CYP3A4: variants seen among roughly 807,000 people sequenced by gnomAD.
The protein encoded by CYP3A4 is cytochrome P450 family 3 subfamily A member 4.
Under a neutral mutation model 54.9 loss-of-function variants are expected in CYP3A4, and 41 were observed. That is an observed-to-expected ratio of 0.75 (90% CI 0.58 to 0.97). The LOEUF is 0.97. CYP3A4 is among the 50% of genes least tolerant of loss of function. CYP3A4 has a pLI of 0.00. For synonymous variants in CYP3A4, 179 were observed against 205.2 expected (o/e 0.87, Z 1.09); for missense variants, 510 against 597.3 (o/e 0.85, Z 1.52).
chr7:99,760,670 C>G, intron 12 of CYP3A4, 149 bp downstream of exon 12: 1 of 1,095,890 alleles, frequency 9.1e-7, no homozygotes, highest in South Asian at 1.7e-5. Context: ...CTGAAGCACC[C>G]TTAAAGATCA....
At position 99,757,309 on chromosome 7, in the gene CYP3A4, A is replaced by G. The variant is rs1182286531; in HGVS notation, c.*824T>C. The G allele has an allele frequency of 1.3e-5, 2 of 152,192 alleles. No homozygotes were observed. Among genetic ancestry groups the G allele is most frequent in the Non-Finnish European group, 2.9e-5 (2 of 68,084 alleles). The allele number at this position is 152,192 out of a possible 1,614,324, so 9.4% of individuals were successfully genotyped here. Reference sequence around the variant, plus strand: ...CCTCAGCCTCCTGTGTAGTGAGATTACAGGCGAGTCCACCATGCCTAGCTA... The same window carrying G: ...CCTCAGCCTCCTGTGTAGTGAGATTGCAGGCGAGTCCACCATGCCTAGCTA... On this transcript the variant is annotated 3_prime_UTR_variant, in exon 13 of 13. Transcript: ENST00000651514.
rs1158231732 is a variant in CYP3A4, at chr7:99,770,107, A to G, written c.432+15T>C. ...TTCTTTAAGTTTCTTATTAAAACTC[A>G]TGTTATTTTCATACCTCCTTGAGTT... On this transcript the variant is annotated intron_variant, in intron 5 of 12. Transcript: ENST00000651514. 2 of 1,600,490 alleles carry G rather than the reference A, an allele frequency of 1.2e-6. No individual in the cohort carries two copies. The highest frequency in any genetic ancestry group is 1.7e-6 in the Non-Finnish European group (2 of 1,167,934).
intron 12 of CYP3A4, 42 bp downstream of exon 12, chr7:99,760,777 G>C: frequency 1.3e-6 from 2 of 1,599,898 alleles, no homozygotes; most frequent in Non-Finnish European, 1.7e-6. Flanking sequence ...TCAGTTAAAA[G>C]AATTATTAAT....
At chr7:99,767,304 A>G in intron 7 of CYP3A4, 46 bp from the exon 8 acceptor site, 1 of 1,527,726 alleles carries the variant, frequency 6.5e-7, no homozygotes, top group Non-Finnish European at 8.8e-7. Flanking sequence ...TTCATTGTGA[A>G]TGTGCAAAAT....
chr7:99,766,440 G>A lies in CYP3A4; in HGVS notation c.802C>T (p.Arg268Ter), dbSNP rs138105638. The A allele has an allele frequency of 4.2e-5, 68 of 1,613,378 alleles. No individual in the cohort carries two copies. Among genetic ancestry groups the A allele is most frequent in the Admixed American group, 1.8e-4 (11 of 59,964 alleles). Residue 268 changes from arginine (R) to a stop codon, truncating the protein, a stop_gained, in exon 9 of 13, where the codon CGA (arginine) becomes TGA (stop). Transcript: ENST00000651514. LOFTEE classifies it high-confidence loss of function. ...ESRLEDTQKH[R>*]VDFLQLMIDS... ...ATCATCAGCTGAAGGAAATCCACTC[G>A]GTGCTAGAAGCAAAAAGAGAAATTT...
At position 99,762,113 on chromosome 7, in the gene CYP3A4, A is replaced by G; in HGVS notation, c.1181T>C (p.Val394Ala). The stretch of plus-strand genomic sequence containing the variant: ...GTGAAGAGCATAGCTTGGAATCATC[A>G]CCACCACCCCTTTGGGAATGAACAT... ...NGMFIPKGVV[V>A]MIPSYALHRD... Residue 394 changes from valine (V) to alanine (A), a missense_variant, in exon 11 of 13, where the codon GTG (valine) becomes GCG (alanine). Transcript: ENST00000651514. 6.2e-7 allele frequency: 1 copy of G among 1,613,868 alleles called. No homozygotes were observed. Among genetic ancestry groups the G allele is most frequent in the Non-Finnish European group, 8.5e-7 (1 of 1,179,952 alleles).
chr7:99,763,839 T>C lies in CYP3A4; in HGVS notation c.1026+16A>G. 5 of 1,613,870 alleles carry C rather than the reference T, an allele frequency of 3.1e-6. No individual in the cohort carries two copies. Among genetic ancestry groups the C allele is most frequent in the Non-Finnish European group, 4.2e-6 (5 of 1,179,902 alleles). On this transcript the variant is annotated intron_variant, in intron 10 of 12. Coordinates refer to ENST00000651514, the MANE Select transcript of CYP3A4 (RefSeq NM_017460.6). ...GTTTCACCTCCTCCCTCCTTCTCCATGTACCATCCACTCACCTTATTGGGT... is the reference window on the plus strand; with the variant it reads ...GTTTCACCTCCTCCCTCCTTCTCCACGTACCATCCACTCACCTTATTGGGT...
chr7:99,763,952 G>T lies in CYP3A4; in HGVS notation c.929C>A (p.Thr310Lys), dbSNP rs751246524. Residue 310 changes from threonine to lysine, a missense_variant, in exon 10 of 13, where the codon ACG (threonine) becomes AAG (lysine). This residue lies in a region of CYP3A4 where 238 missense variants were observed against 322.5 expected (regional missense o/e 0.74). Coordinates refer to ENST00000651514, the MANE Select transcript of CYP3A4 (RefSeq NM_017460.6). ...IIFIFAGYET[T>K]SSVLSFIMYE... The stretch of plus-strand genomic sequence containing the variant: ...CATAATGAAGGAGAGAACACTGCTC[G>T]TGGTTTCATAGCCAGCAAAAATAAA... 3.7e-6 allele frequency: 6 copies of T among 1,613,856 alleles called. No individual in the cohort carries two copies. In the African/African-American group the frequency reaches 8.0e-5, roughly 22 times the overall value.
chr7:99,758,287 G>T, intron 12 of CYP3A4, 59 bp from the exon 13 acceptor site: 1 of 1,561,130 alleles, frequency 6.4e-7, no homozygotes, highest in South Asian at 1.1e-5. Context: ...AGAAAGTATA[G>T]CATCAAAGTG....
chr7:99,761,161 T>C (rs997224568), intron 11 of CYP3A4, among the ~76,000 whole-genome samples, 180 bp from the exon 12 acceptor site: 3 of 152,238 alleles, frequency 2.0e-5, no homozygotes, highest in East Asian at 3.8e-4. Flanking sequence ...CTACAGATCC[T>C]TTCTACTCTC....
chr7:99,767,319 C>T (rs895218291), intron 7 of CYP3A4, 61 bp from the exon 8 acceptor site: 2 of 1,454,822 alleles, frequency 1.4e-6, no homozygotes, highest in African/African-American at 2.8e-5. Flanking sequence ...CAAAATTTAC[C>T]TGGAGCAATT....
chr7:99,779,491 T>C (rs1584550206), intron 2 of CYP3A4, among the ~76,000 whole-genome samples: 1 of 152,102 alleles, frequency 6.6e-6, no homozygotes, highest in South Asian at 2.1e-4. Flanking sequence ...CAGGTGCAAA[T>C]GACCCAAAGG....
At chr7:99,777,876 TATC>T (rs1815811688) in intron 3 of CYP3A4, 149 bp downstream of exon 3, 1 of 696,266 alleles carries the variant, frequency 1.4e-6, no homozygotes, top group Admixed American at 2.7e-5. Context: ...CCCAAATAAA[TATC>T]TTCTTCTTTC....
Position 99,766,376 on chromosome 7 carries a change from C to G in CYP3A4, c.865+1G>C. The G allele has an allele frequency of 6.2e-7, 1 of 1,613,600 alleles. No individual in the cohort carries two copies. The highest frequency in any genetic ancestry group is 8.5e-7 in the Non-Finnish European group (1 of 1,179,678). ...GTAGCCCTCAGAAACACTCTGGTTA[C>G]CTTTGTGGGACTCAGTTTCTTTTGA... On this transcript the variant is annotated splice_donor_variant, in intron 9 of 12. Transcript: ENST00000651514. LOFTEE classifies it high-confidence loss of function.
At chr7:99,770,290 G>A in intron 4 of CYP3A4, 55 bp from the exon 5 acceptor site, 1 of 1,482,244 alleles carries the variant, frequency 6.7e-7, no homozygotes, top group Admixed American at 1.7e-5. Context: ...GGTCTCCATG[G>A]TTGTAGAAAA....
rs55808838 is a variant in CYP3A4 at position 99,768,346 on chromosome 7, C to G, written c.670+8G>C. ...AAGATAAATAAAAGGAAATAGTAGT[C>G]CACATACTTATTGAGAGAAAGAATG... is the stretch of plus-strand genomic sequence containing the variant. On this transcript the variant is annotated splice_region_variant and intron_variant, in intron 7 of 12. Coordinates refer to ENST00000651514, the MANE Select transcript of CYP3A4 (RefSeq NM_017460.6). 3.5e-5 allele frequency: 56 copies of G among 1,612,370 alleles called. No homozygotes were observed. In the South Asian group the frequency reaches 6.2e-4, roughly 18 times the overall value.
Position 99,767,166 on chromosome 7 carries a change from T to A in CYP3A4, c.763A>T (p.Arg255Trp). 6.2e-7 allele frequency: 1 copy of A among 1,611,528 alleles called. No homozygotes were observed. The highest frequency in any genetic ancestry group is 1.1e-5 in the South Asian group (1 of 90,548). Residue 255 changes from arginine (R) to tryptophan (W), a missense_variant, in exon 8 of 13, where the codon AGG becomes TGG. Arg to Trp is a moderately radical substitution (Grantham distance 101). Coordinates refer to ENST00000651514, the MANE Select transcript of CYP3A4 (RefSeq NM_017460.6). ...VTNFLRKSVK[R>W]MKESRLEDTQ... ...TCTTCGAGGCGACTTTCTTTCATCC[T>A]TTTTACAGATTTTCTTAAAAAATTT...
chr7:99,773,080 G>A (rs1438769581), intron 3 of CYP3A4, among the ~76,000 whole-genome samples: 2 of 152,070 alleles, frequency 1.3e-5, no homozygotes, highest in Non-Finnish European at 1.5e-5. Flanking sequence ...AACCAACAAA[G>A]ATCAAAAGAG....
chr7:99,759,636 C>T (rs979897722), intron 12 of CYP3A4, among the ~76,000 whole-genome samples: 2 of 152,106 alleles, frequency 1.3e-5, no homozygotes, highest in Non-Finnish European at 2.9e-5. Flanking sequence ...GGGGGGAAGA[C>T]ATTTTAGATA....
Sources: gnomAD v4.1 joint callset for allele counts (sites outside exome capture counted in the v4.1 genomes callset) on GRCh38, gnomAD v4.1.1 for gene constraint, gnomAD v4.1.1 regional missense constraint, MANE v1.5 for transcripts, NCBI Gene and HGNC (gene_info 2026-07-23, HGNC 2026-07-21) for gene names.